Variants in CADM2 observed in about 807,000 individuals in gnomAD.
CADM2 encodes cell adhesion molecule 2.
Under a neutral mutation model 49.8 loss-of-function variants are expected in CADM2, and 12 were observed. That is an observed-to-expected ratio of 0.24 (90% CI 0.15 to 0.39). CADM2 has a LOEUF of 0.39. Ranked by LOEUF, CADM2 falls within the 10% of genes least tolerant of loss-of-function variation. The probability of loss-of-function intolerance (pLI) is 1.00; values close to 1 mark genes in which losing one functional copy is unlikely to be tolerated. For missense variants in CADM2, 378 were observed against 492.3 expected, an observed-to-expected ratio of 0.77 and a Z score of 2.20; for synonymous variants, 214 against 175.4, an observed-to-expected ratio of 1.22 and a Z score of -1.74.
chr3:85,488,564 G>T (rs1483221220), intron 1 of CADM2, among the ~76,000 whole-genome samples: 1 of 151,700 alleles, frequency 6.6e-6, no homozygotes, highest in African/African-American at 2.4e-5. Context: ...AGGGATTCTC[G>T]CTCTGTCACC....
chr3:85,393,860 A>T (rs2034637543), intron 1 of CADM2, among the ~76,000 whole-genome samples: 1 of 152,158 alleles, frequency 6.6e-6, no homozygotes, highest in Non-Finnish European at 1.5e-5. Context: ...AGGCTTCTTA[A>T]ATTTGGCATT....
chr3:85,252,358 AATG>A (rs930623115), intron 1 of CADM2, among the ~76,000 whole-genome samples: 3 of 151,906 alleles, frequency 2.0e-5, no homozygotes, highest in African/African-American at 7.2e-5. Context: ...AATAAGAAAA[AATG>A]ATGAAGGAGT....
intron 7 of CADM2, among the ~76,000 whole-genome samples, chr3:85,959,966 CA>C (rs1258764223): frequency 1.3e-4 from 19 of 147,844 alleles, no homozygotes; most frequent in South Asian, 1.3e-3. Flanking sequence ...AGTTTCTTGC[CA>C]GGAAACTCTT....
intron 1 of CADM2, among the ~76,000 whole-genome samples, chr3:85,378,755 G>T (rs949785650): frequency 2.6e-5 from 4 of 151,808 alleles, no homozygotes; most frequent in Admixed American, 2.0e-4. Flanking sequence ...AGGGATAAAA[G>T]ACTACATATT....
At chr3:85,979,251 C>T in intron 8 of CADM2, 1 of 1,610,840 alleles carries the variant, frequency 6.2e-7, no homozygotes, top group Non-Finnish European at 8.5e-7. Context: ...ACAACCAGCC[C>T]AACCACATCT....
chr3:85,200,683 G>C (rs2107744980), intron 1 of CADM2, among the ~76,000 whole-genome samples: 1 of 152,248 alleles, frequency 6.6e-6, no homozygotes, highest in Non-Finnish European at 1.5e-5. Flanking sequence ...AACAGGCTAA[G>C]TGGTATTCTA....
intron 2 of CADM2, among the ~76,000 whole-genome samples, chr3:85,746,478 T>C (rs952313364): frequency 6.6e-6 from 1 of 152,170 alleles, no homozygotes; most frequent in Non-Finnish European, 1.5e-5. Context: ...TATAACTGCA[T>C]TTTTCTAAAT....
chr3:85,209,332 T>C (rs2041722016), intron 1 of CADM2, among the ~76,000 whole-genome samples: 1 of 152,134 alleles, frequency 6.6e-6, no homozygotes, highest in African/African-American at 2.4e-5. Context: ...GCATTTACTT[T>C]TCCCAGTAAA....
chr3:85,612,654 GA>G (rs528191581), intron 1 of CADM2, among the ~76,000 whole-genome samples: 1 of 151,188 alleles, frequency 6.6e-6, no homozygotes, highest in Non-Finnish European at 1.5e-5. Context: ...TAAAACTTTT[GA>G]AAAAAAGCTT....
chr3:85,409,096 C>T (rs1004573911), intron 1 of CADM2, among the ~76,000 whole-genome samples: 12 of 152,094 alleles, frequency 7.9e-5, no homozygotes, highest in Non-Finnish European at 1.6e-4. Context: ...CAAATGAATC[C>T]AGTGTTCTTC....
At chr3:85,515,067 T>A (rs1207741663) in intron 1 of CADM2, among the ~76,000 whole-genome samples, 1 of 152,176 alleles carries the variant, frequency 6.6e-6, no homozygotes, top group Non-Finnish European at 1.5e-5. Context: ...AGATATTTTC[T>A]TGGTAATTAG....
chr3:85,997,476 CA>C (rs1729573148), intron 8 of CADM2, among the ~76,000 whole-genome samples: 1 of 152,044 alleles, frequency 6.6e-6, no homozygotes, highest in Non-Finnish European at 1.5e-5. Context: ...TACTACTGGC[CA>C]CAAATCATTG....
intron 8 of CADM2, among the ~76,000 whole-genome samples, chr3:86,042,086 G>C (rs1168756724): frequency 6.6e-6 from 1 of 152,214 alleles, no homozygotes; most frequent in Non-Finnish European, 1.5e-5. Context: ...GCAGTGTGTA[G>C]AGGGAAATTT....
intron 1 of CADM2, among the ~76,000 whole-genome samples, chr3:85,087,580 A>T (rs1306508551): frequency 2.6e-5 from 4 of 152,210 alleles, no homozygotes; most frequent in Non-Finnish European, 2.9e-5. Flanking sequence ...TTTAAGAAAT[A>T]AAGCAAAATG....
chr3:85,670,636 G>C (rs906658317), intron 1 of CADM2, among the ~76,000 whole-genome samples: 1 of 152,094 alleles, frequency 6.6e-6, no homozygotes, highest in Non-Finnish European at 1.5e-5. Context: ...ATAGCAGTAA[G>C]AGCTAAACTT....
Position 86,058,378 on chromosome 3 carries a change from G to C in CADM2, c.971-7227G>C, listed in dbSNP as rs528011885. On this transcript the variant is annotated intron_variant, in intron 8 of 9. Coordinates refer to ENST00000383699, the MANE Select transcript of CADM2 (RefSeq NM_001167675.2). ...CTAACATTTGGATAGTGCTTCCTTT[G>C]TGTCAGACATTCTTCTAAGCCATTT... Among the ~76,000 whole-genome samples, 3 of 150,712 alleles carry C rather than the reference G, an allele frequency of 2.0e-5. No homozygotes were observed. The South Asian group carries it at 6.3e-4, about 32-fold the overall frequency.
chr3:85,944,178 C>G (rs1722334857), intron 7 of CADM2, among the ~76,000 whole-genome samples: 1 of 151,936 alleles, frequency 6.6e-6, no homozygotes, highest in Non-Finnish European at 1.5e-5. Context: ...ACAAAAAAGG[C>G]CGTTACGTAA....
At chr3:85,297,981 A>C (rs59530274) in intron 1 of CADM2, among the ~76,000 whole-genome samples, 26,993 of 151,938 alleles carry the variant, frequency 0.18, 4,155 homozygotes, top group African/African-American at 0.42. Context: ...CTGATTCATA[A>C]AAGATGAAGG....
chr3:85,567,383 C>T (rs2062297479), intron 1 of CADM2, among the ~76,000 whole-genome samples: 1 of 152,058 alleles, frequency 6.6e-6, no homozygotes, highest in Non-Finnish European at 1.5e-5. Flanking sequence ...TGTATTTAAA[C>T]TTGCTGTGTT....
Sources: allele counts gnomAD v4.1 joint callset (sites outside exome capture counted in the v4.1 genomes callset), GRCh38; gene constraint gnomAD v4.1.1; transcripts MANE v1.5; gene names NCBI Gene and HGNC (gene_info 2026-07-23, HGNC 2026-07-21).